ALK: variants seen among roughly 807,000 people sequenced by gnomAD.
ALK encodes ALK tyrosine kinase receptor.
In ALK, 74 loss-of-function variants were observed where a neutral mutation model predicts 163.1. That is an observed-to-expected ratio of 0.45 (90% CI 0.38 to 0.55). The LOEUF (loss-of-function observed/expected upper bound fraction) is 0.55, where lower values mean the gene tolerates loss of function less well. ALK is among the 20% of genes least tolerant of loss of function. The pLI, the probability that ALK is intolerant of heterozygous loss-of-function variation, is 0.00. For synonymous variants in ALK, 960 were observed against 843.2 expected (o/e 1.14, Z -2.40); for missense variants, 2,063 against 2,105.3 (o/e 0.98, Z 0.39).
chr2:29,769,801 A>C (rs1440518894), intron 1 of ALK, among the ~76,000 whole-genome samples: 2 of 152,236 alleles, frequency 1.3e-5, no homozygotes, highest in Non-Finnish European at 2.9e-5. Context: ...ATAAGCAAGC[A>C]AACAACAGCA....
intron 1 of ALK, among the ~76,000 whole-genome samples, chr2:29,794,563 G>A (rs894742479): frequency 1.3e-5 from 2 of 152,106 alleles, no homozygotes; most frequent in African/African-American, 4.8e-5. Context: ...CTGAAAGTGA[G>A]AGACATACTA....
At chr2:29,891,079 A>C (rs1211336961) in intron 1 of ALK, 1 of 152,218 alleles carries the variant, frequency 6.6e-6, no homozygotes, top group Non-Finnish European at 1.5e-5. Flanking sequence ...ATTAAAAGAG[A>C]CAACATAAAT....
intron 3 of ALK, among the ~76,000 whole-genome samples, chr2:29,556,120 A>G (rs1035520180): frequency 5.3e-5 from 8 of 152,190 alleles, no homozygotes; most frequent in Non-Finnish European, 1.0e-4. Context: ...GTGATAGCCC[A>G]ACTAGTATCT....
At chr2:29,301,831 C>T (rs1479752430) in intron 8 of ALK, among the ~76,000 whole-genome samples, 1 of 152,222 alleles carries the variant, frequency 6.6e-6, no homozygotes, top group Non-Finnish European at 1.5e-5. Context: ...GAGAACTGGA[C>T]TGGCCACCCA....
rs539911214 is a variant in ALK at position 29,307,519 on chromosome 2, A to G, written c.1648-10462T>C. On this transcript the variant is annotated intron_variant, in intron 8 of 28. Coordinates refer to ENST00000389048, the MANE Select transcript of ALK (RefSeq NM_004304.5). ...GAATTGTCATCAGGAACATCTCTGT[A>G]TGGGGGTTAAGGCTCTCCCTCAATA... 1.4e-4 allele frequency among the ~76,000 whole-genome samples: 22 copies of G among 152,268 alleles called. No homozygotes were observed. In the South Asian group the frequency reaches 4.1e-3, roughly 29 times the overall value.
rs201768549 is a variant in ALK, at chr2:29,193,901, C to A, written c.4186G>T (p.Ala1396Ser). The A allele has an allele frequency of 6.2e-7, 1 of 1,614,128 alleles. No homozygotes were observed. The highest frequency in any genetic ancestry group is 2.2e-5 in the East Asian group (1 of 44,870). Residue 1396 changes from alanine to serine, a missense_variant, in exon 29 of 29, where the codon GCT becomes TCT. Ala to Ser is a moderately conservative substitution (Grantham distance 99, BLOSUM62 1). This residue lies in a region of ALK where 403 missense variants were observed against 366.2 expected (regional missense o/e 1.10). Transcript: ENST00000389048. ...AGTGGACCATATTCTATCGGCAAAG[C>A]GGTGTTGATTACATCCGGGTCCTGC... Reference protein sequence around the residue: ...CTQDPDVINTALPIEYGPLVE... With the variant: ...CTQDPDVINTSLPIEYGPLVE...
At chr2:29,675,425 A>G (rs1352903378) in intron 3 of ALK, among the ~76,000 whole-genome samples, 1 of 151,852 alleles carries the variant, frequency 6.6e-6, no homozygotes, top group African/African-American at 2.4e-5. Flanking sequence ...CAACTGTGAG[A>G]TCCTGAGAGT....
chr2:29,831,198 G>GGAAGA (rs1665396561), intron 1 of ALK, among the ~76,000 whole-genome samples: 1 of 50,792 alleles, frequency 2.0e-5, no homozygotes, highest in Non-Finnish European at 3.7e-5. Context: ...GAAGGGGAAG[G>GGAAGA]GGAAGGGGAA....
chr2:29,784,698 CAACAACAACAACAAA>C lies in ALK; in HGVS notation c.668-67016_668-67002del, dbSNP rs1482941990. 4.1e-5 allele frequency among the ~76,000 whole-genome samples: 3 copies of C among 72,552 alleles called. No homozygotes were observed. The East Asian group carries it at 1.3e-3, about 31-fold the overall frequency. The allele number at this position is 72,552 out of a possible 152,430, so 47.6% of individuals were successfully genotyped here. ...TGACAGAGCAAGACCTCCGTCTCAA[CAACAACAACAACAAA>C]AACAACAACAACAACAACAACAAAG... On this transcript the variant is annotated intron_variant, in intron 1 of 28. Coordinates refer to ENST00000389048, the MANE Select transcript of ALK (RefSeq NM_004304.5).
intron 4 of ALK, among the ~76,000 whole-genome samples, chr2:29,417,734 G>C (rs1023901293): frequency 3.3e-5 from 5 of 152,236 alleles, no homozygotes; most frequent in Non-Finnish European, 7.3e-5. Context: ...ATCAGGAAGA[G>C]AGACTTCCTC....
At chr2:29,360,712 T>C (rs1668366493) in intron 5 of ALK, among the ~76,000 whole-genome samples, 1 of 152,158 alleles carries the variant, frequency 6.6e-6, no homozygotes, top group South Asian at 2.1e-4. Context: ...ATAAGGGCCA[T>C]AATGGTGGTA....
At chr2:29,200,456 C>T (rs1669128426) in intron 26 of ALK, among the ~76,000 whole-genome samples, 1 of 151,996 alleles carries the variant, frequency 6.6e-6, no homozygotes, top group South Asian at 2.1e-4. Context: ...ATACCAGATA[C>T]CTAGTTAAAT....
chr2:29,393,263 G>A (rs1669223828), intron 4 of ALK, among the ~76,000 whole-genome samples: 2 of 152,280 alleles, frequency 1.3e-5, no homozygotes, highest in South Asian at 4.2e-4. Flanking sequence ...AGCAAGTTCT[G>A]TCTGACCTTC....
At chr2:29,695,040 G>GA in intron 2 of ALK, 26 bp from the exon 3 acceptor site, 1 of 1,612,962 alleles carries the variant, frequency 6.2e-7, no homozygotes, top group Non-Finnish European at 8.5e-7. Flanking sequence ...AGGGTCAATG[G>GA]AAAAAACCAT....
intron 1 of ALK, among the ~76,000 whole-genome samples, chr2:29,776,866 G>A (rs1339156770): frequency 6.6e-6 from 1 of 152,152 alleles, no homozygotes; most frequent in Non-Finnish European, 1.5e-5. Context: ...TTCACGTCAA[G>A]TCCTAGAAGC....
intron 4 of ALK, among the ~76,000 whole-genome samples, chr2:29,523,656 T>C (rs939644898): frequency 6.6e-6 from 1 of 152,180 alleles, no homozygotes; most frequent in African/African-American, 2.4e-5. Context: ...GTATACAATA[T>C]ATATTTATCA....
At chr2:29,365,196 A>G (rs1280111783) in intron 5 of ALK, among the ~76,000 whole-genome samples, 5 of 152,238 alleles carry the variant, frequency 3.3e-5, no homozygotes, top group African/African-American at 9.6e-5. Flanking sequence ...ACTCTGCCCA[A>G]AACATAGACT....
intron 13 of ALK, 22 bp from the exon 14 acceptor site, chr2:29,233,718 T>C (rs369522921): frequency 3.7e-6 from 6 of 1,614,228 alleles, no homozygotes; most frequent in Non-Finnish European, 5.1e-6. Flanking sequence ...AAAAGCACGT[T>C]AGGTTTGTGG....
chr2:29,872,094 C>T (rs978738352), intron 1 of ALK, among the ~76,000 whole-genome samples: 1 of 152,188 alleles, frequency 6.6e-6, no homozygotes, highest in Non-Finnish European at 1.5e-5. Flanking sequence ...TCACACTCTC[C>T]ACTTGCTTCT....
Sources: gnomAD v4.1 joint callset for allele counts (sites outside exome capture counted in the v4.1 genomes callset) on GRCh38, gnomAD v4.1.1 for gene constraint, gnomAD v4.1.1 regional missense constraint, MANE v1.5 for transcripts, NCBI Gene and HGNC (gene_info 2026-07-23, HGNC 2026-07-21) for gene names.